Variants in GALNTL6 observed in about 807,000 individuals in gnomAD.
The protein encoded by GALNTL6 is polypeptide N-acetylgalactosaminyltransferase like 6.
Under a neutral mutation model 73.7 loss-of-function variants are expected in GALNTL6, and 46 were observed. The observed-to-expected ratio is 0.62, with a 90% CI of 0.49 to 0.80. The LOEUF (loss-of-function observed/expected upper bound fraction) is 0.80, where lower values mean the gene tolerates loss of function less well. GALNTL6 is among the 30% of genes least tolerant of loss of function. GALNTL6 has a pLI of 0.00. For synonymous variants in GALNTL6, 259 were observed against 263.7 expected (o/e 0.98, Z 0.17); for missense variants, 604 against 755.0 (o/e 0.80, Z 2.34).
chr4:172,592,244 T>C (rs1038905797), intron 5 of GALNTL6, among the ~76,000 whole-genome samples: 3 of 152,170 alleles, frequency 2.0e-5, no homozygotes, highest in African/African-American at 7.2e-5. Flanking sequence ...AGGGAAAACC[T>C]GAGGCTTTAT....
chr4:172,929,379 A>C (rs1168461864), intron 8 of GALNTL6, among the ~76,000 whole-genome samples: 3 of 152,200 alleles, frequency 2.0e-5, no homozygotes, highest in Admixed American at 1.3e-4. Context: ...CTCTCTTTCA[A>C]TATTACACTT....
intron 3 of GALNTL6, among the ~76,000 whole-genome samples, chr4:172,239,582 C>T (rs1432744009): frequency 6.6e-6 from 1 of 152,022 alleles, no homozygotes; most frequent in Admixed American, 6.6e-5. Flanking sequence ...GTCTCAATTT[C>T]ATTCGGTTCT....
intron 5 of GALNTL6, among the ~76,000 whole-genome samples, chr4:172,636,363 G>A (rs1292222575): frequency 6.6e-6 from 1 of 152,184 alleles, no homozygotes; most frequent in African/African-American, 2.4e-5. Context: ...AGATGTCCAT[G>A]TCCTAATTCC....
intron 2 of GALNTL6, among the ~76,000 whole-genome samples, chr4:172,173,377 C>T (rs775296234): frequency 2.0e-5 from 3 of 152,172 alleles, no homozygotes; most frequent in Non-Finnish European, 4.4e-5. Flanking sequence ...AAGAGCCTTC[C>T]TGTGAATTTG....
intron 2 of GALNTL6, among the ~76,000 whole-genome samples, chr4:172,150,993 T>C (rs1041521006): frequency 3.9e-5 from 6 of 152,164 alleles, no homozygotes; most frequent in Non-Finnish European, 8.8e-5. Context: ...GCATATGACA[T>C]TAAAATATTT....
At chr4:172,034,389 AGCGTGCGT>A (rs200970561) in intron 2 of GALNTL6, among the ~76,000 whole-genome samples, 10 of 105,186 alleles carry the variant, frequency 9.5e-5, no homozygotes, top group Admixed American at 7.5e-4. Flanking sequence ...CCTTAAGGGG[AGCGTGCGT>A]GCGTGTGTGT....
chr4:172,706,722 A>G (rs1178309662), intron 5 of GALNTL6, among the ~76,000 whole-genome samples: 1 of 152,110 alleles, frequency 6.6e-6, no homozygotes, highest in African/African-American at 2.4e-5. Context: ...TGCACATCTC[A>G]GACTGCGGGG....
chr4:172,873,853 A>T (rs946522869), intron 7 of GALNTL6, among the ~76,000 whole-genome samples: 7 of 152,358 alleles, frequency 4.6e-5, no homozygotes, highest in Admixed American at 3.9e-4. Context: ...CAGAGGTATT[A>T]AAAAATCCAT....
chr4:172,235,201 T>C (rs1737200763), intron 3 of GALNTL6, among the ~76,000 whole-genome samples: 1 of 152,112 alleles, frequency 6.6e-6, no homozygotes, highest in African/African-American at 2.4e-5. Context: ...CTACAAAAAT[T>C]TGTCACTTTT....
intron 7 of GALNTL6, among the ~76,000 whole-genome samples, chr4:172,871,611 A>AGTGTGT (rs5864173): frequency 0.025 from 3,475 of 137,530 alleles, 91 homozygotes; most frequent in African/African-American, 0.076. Flanking sequence ...TGTGTGTGAG[A>AGTGTGT]GTGTGTGTGT....
intron 10 of GALNTL6, among the ~76,000 whole-genome samples, chr4:172,978,307 T>C (rs1050878821): frequency 6.6e-6 from 1 of 152,150 alleles, no homozygotes; most frequent in Non-Finnish European, 1.5e-5. Context: ...CCCAAGAACA[T>C]GGTTACTAAT....
At chr4:172,261,286 T>A (rs1738249360) in intron 3 of GALNTL6, among the ~76,000 whole-genome samples, 1 of 151,536 alleles carries the variant, frequency 6.6e-6, no homozygotes, top group Admixed American at 6.6e-5. Context: ...CCTCACTACT[T>A]GTTATAGGTC....
intron 5 of GALNTL6, among the ~76,000 whole-genome samples, chr4:172,706,447 T>A (rs1734357894): frequency 6.6e-6 from 1 of 152,082 alleles, no homozygotes; most frequent in African/African-American, 2.4e-5. Context: ...CTTATTAGGG[T>A]CAGTGCTGTC....
intron 11 of GALNTL6, among the ~76,000 whole-genome samples, chr4:173,013,332 C>G (rs1752636298): frequency 6.6e-6 from 1 of 152,150 alleles, no homozygotes; most frequent in African/African-American, 2.4e-5. Context: ...AAATTCCTCT[C>G]TACCATCTCT....
intron 5 of GALNTL6, among the ~76,000 whole-genome samples, chr4:172,463,878 A>G (rs1039825606): frequency 1.3e-5 from 2 of 152,176 alleles, no homozygotes; most frequent in African/African-American, 4.8e-5. Context: ...TTTAAATAGT[A>G]TATATTATTA....
intron 11 of GALNTL6, among the ~76,000 whole-genome samples, chr4:173,016,095 C>A (rs559949309): frequency 6.6e-6 from 1 of 152,334 alleles, no homozygotes; most frequent in East Asian, 1.9e-4. Flanking sequence ...GCACAGAAGT[C>A]AATAATTAAG....
chr4:172,913,984 G>A (rs1747358779), intron 8 of GALNTL6, among the ~76,000 whole-genome samples: 1 of 152,164 alleles, frequency 6.6e-6, no homozygotes, highest in African/African-American at 2.4e-5. Context: ...GTTAAAGGCA[G>A]CCAGAGAGAA....
chr4:172,817,106 CAAA>C (rs368595063), intron 7 of GALNTL6, among the ~76,000 whole-genome samples: 19 of 74,434 alleles, frequency 2.6e-4, no homozygotes, highest in Non-Finnish European at 2.3e-4. Context: ...ACTCCGTCTC[CAAA>C]AAAAAAAAAA....
intron 10 of GALNTL6, among the ~76,000 whole-genome samples, chr4:172,955,959 T>TTCACTTC (rs1323828989): frequency 6.6e-6 from 1 of 152,130 alleles, no homozygotes; most frequent in Non-Finnish European, 1.5e-5. Context: ...TTTCACTTCT[T>TTCACTTC]TTGTGGTGGA....
Sources: gnomAD v4.1 joint callset for allele counts (sites outside exome capture counted in the v4.1 genomes callset) on GRCh38, gnomAD v4.1.1 for gene constraint, MANE v1.5 for transcripts, NCBI Gene and HGNC (gene_info 2026-07-23, HGNC 2026-07-21) for gene names.